The following CA10 variants were observed in gnomAD, a reference collection of about 807,000 sequenced individuals.
CA10 encodes the protein carbonic anhydrase-related protein 10.
A neutral mutation model predicts 44.2 loss-of-function variants in CA10; 14 were observed. The observed-to-expected ratio is 0.32, with a 90% CI of 0.21 to 0.50. CA10 has a LOEUF of 0.50. CA10 is among the 20% of genes least tolerant of loss of function. The pLI, the probability that CA10 is intolerant of heterozygous loss-of-function variation, is 0.99. For synonymous variants in CA10, 159 were observed against 141.6 expected (o/e 1.12, Z -0.87); for missense variants, 350 against 409.7 (o/e 0.85, Z 1.26).
intron 6 of CA10, among the ~76,000 whole-genome samples, chr17:51,647,937 A>G (rs1913405135): frequency 6.6e-6 from 1 of 152,168 alleles, no homozygotes; most frequent in Non-Finnish European, 1.5e-5. Flanking sequence ...GGGATTCTCC[A>G]GGTTCATTCC....
At chr17:51,654,053 A>G (rs950352177) in intron 4 of CA10, among the ~76,000 whole-genome samples, 2 of 152,218 alleles carry the variant, frequency 1.3e-5, no homozygotes, top group Admixed American at 1.3e-4. Flanking sequence ...AATTTTCCTT[A>G]TTAGGAACGG....
At chr17:52,022,987 T>C (rs937328523) in intron 2 of CA10, among the ~76,000 whole-genome samples, 1 of 152,098 alleles carries the variant, frequency 6.6e-6, no homozygotes, top group African/African-American at 2.4e-5. Context: ...AAACATTCCA[T>C]GCTCATATAT....
chr17:51,656,337 G>A (rs1394684331), intron 4 of CA10, among the ~76,000 whole-genome samples: 1 of 152,212 alleles, frequency 6.6e-6, no homozygotes, highest in South Asian at 2.1e-4. Context: ...GTTCTTTTGG[G>A]AGCCAGGAAC....
intron 2 of CA10, among the ~76,000 whole-genome samples, chr17:51,995,972 C>T (rs922750025): frequency 6.6e-6 from 1 of 152,026 alleles, no homozygotes; most frequent in Non-Finnish European, 1.5e-5. Flanking sequence ...CACTATTATA[C>T]TGTCAAAAGC....
chr17:52,015,305 T>C (rs1985933016), intron 2 of CA10, among the ~76,000 whole-genome samples: 1 of 152,146 alleles, frequency 6.6e-6, no homozygotes. Context: ...ATGAAGCTGA[T>C]GACTTGATGT....
At chr17:52,028,880 A>T (rs996326469) in intron 2 of CA10, among the ~76,000 whole-genome samples, 1 of 152,220 alleles carries the variant, frequency 6.6e-6, no homozygotes, top group African/African-American at 2.4e-5. Flanking sequence ...ACTAACTTTT[A>T]CATTTCAATT....
intron 3 of CA10, among the ~76,000 whole-genome samples, chr17:51,913,063 G>A (rs1981852931): frequency 6.6e-6 from 1 of 152,158 alleles, no homozygotes; most frequent in African/African-American, 2.4e-5. Context: ...CAGTGTGGAA[G>A]GCATCCATTA....
rs1491276887 is a variant in CA10 at position 51,717,868 on chromosome 17, T to TAC, written c.465+29763_465+29764dup. ...ATATATATATATATATATATATATA[T>TAC]ACAGGATAGAATACTCACTCAGCCA... On this transcript the variant is annotated intron_variant, in intron 4 of 8. Coordinates refer to ENST00000451037, the MANE Select transcript of CA10 (RefSeq NM_020178.5). Among the ~76,000 whole-genome samples, 3 of 105,924 alleles carry TAC rather than the reference T, an allele frequency of 2.8e-5. 1 individual carries two copies. Among genetic ancestry groups the TAC allele is most frequent in the African/African-American group, 1.2e-4 (3 of 25,294 alleles). 69.5% of individuals were successfully genotyped at this position (105,924 alleles called of 152,430 possible).
chr17:52,138,843 T>A (rs145219014), intron 1 of CA10, among the ~76,000 whole-genome samples: 60 of 152,314 alleles, frequency 3.9e-4, no homozygotes, highest in African/African-American at 1.4e-3. Context: ...ATAAAAAATT[T>A]TTTCTGCTTA....
intron 7 of CA10, among the ~76,000 whole-genome samples, chr17:51,633,863 C>T (rs574789917): frequency 3.2e-4 from 49 of 152,322 alleles, no homozygotes; most frequent in Non-Finnish European, 5.4e-4. Context: ...TTCTAGCTTA[C>T]TAGCTTGTGT....
intron 3 of CA10, among the ~76,000 whole-genome samples, chr17:51,803,701 G>T (rs1907022820): frequency 6.6e-6 from 1 of 152,178 alleles, no homozygotes; most frequent in Non-Finnish European, 1.5e-5. Flanking sequence ...GTGGTGATTG[G>T]AATATTAAAT....
At chr17:51,895,558 T>C (rs1351346104) in intron 3 of CA10, among the ~76,000 whole-genome samples, 1 of 152,090 alleles carries the variant, frequency 6.6e-6, no homozygotes, top group African/African-American at 2.4e-5. Flanking sequence ...GTAAAACTTA[T>C]AGTTAATACT....
intron 3 of CA10, among the ~76,000 whole-genome samples, chr17:51,819,627 A>T (rs1396448179): frequency 6.6e-6 from 1 of 152,192 alleles, no homozygotes; most frequent in Non-Finnish European, 1.5e-5. Context: ...CACCTAGCAG[A>T]TTTGCAGCCT....
intron 3 of CA10, among the ~76,000 whole-genome samples, chr17:51,798,794 T>G (rs1035593773): frequency 7.2e-5 from 11 of 152,212 alleles, no homozygotes; most frequent in Admixed American, 4.6e-4. Context: ...GGGCAGGACT[T>G]GAGAGGAATA....
At chr17:51,755,103 G>C (rs1905038544) in intron 3 of CA10, among the ~76,000 whole-genome samples, 1 of 152,104 alleles carries the variant, frequency 6.6e-6, no homozygotes, top group Non-Finnish European at 1.5e-5. Context: ...AGGAGAACCA[G>C]TTTGAAAAGA....
At chr17:51,992,441 T>C (rs1985075620) in intron 2 of CA10, among the ~76,000 whole-genome samples, 1 of 152,140 alleles carries the variant, frequency 6.6e-6, no homozygotes, top group Non-Finnish European at 1.5e-5. Context: ...TATATGCCTA[T>C]AGCTTAGCCC....
intron 6 of CA10, among the ~76,000 whole-genome samples, chr17:51,646,646 C>T (rs1355114400): frequency 6.6e-6 from 1 of 152,184 alleles, no homozygotes; most frequent in Non-Finnish European, 1.5e-5. Context: ...GAGGGACTTC[C>T]AGTCTTATGT....
At chr17:52,004,637 A>C (rs774248115) in intron 2 of CA10, among the ~76,000 whole-genome samples, 1 of 151,946 alleles carries the variant, frequency 6.6e-6, no homozygotes, top group African/African-American at 2.4e-5. Context: ...CTTTTGCATT[A>C]TTAGTACACA....
At chr17:51,668,065 C>G (rs1189186925) in intron 4 of CA10, among the ~76,000 whole-genome samples, 1 of 152,208 alleles carries the variant, frequency 6.6e-6, no homozygotes, top group Non-Finnish European at 1.5e-5. Flanking sequence ...GGGTCTACCC[C>G]CAAATACCAT....
Sources: allele counts gnomAD v4.1 joint callset (sites outside exome capture counted in the v4.1 genomes callset), GRCh38; gene constraint gnomAD v4.1.1; transcripts MANE v1.5; gene names NCBI Gene and HGNC (gene_info 2026-07-23, HGNC 2026-07-21).